ATP5MC2: variants seen among roughly 807,000 people sequenced by gnomAD.
The protein encoded by ATP5MC2 is ATP synthase F(0) complex subunit C2, mitochondrial.
In ATP5MC2, 11 loss-of-function variants were observed where a neutral mutation model predicts 13.5. That is an observed-to-expected ratio of 0.81 (90% CI 0.51 to 1.35). ATP5MC2 has a LOEUF of 1.35. Among genes scored for constraint, ATP5MC2 ranks in the 40% most tolerant of loss-of-function variants. The pLI is 0.00. For synonymous variants in ATP5MC2, 64 were observed against 69.7 expected, an observed-to-expected ratio of 0.92 and a Z score of 0.41; for missense variants, 132 against 175.0, an observed-to-expected ratio of 0.75 and a Z score of 1.39.
At chr12:53,676,282 A>C, upstream of ATP5MC2, 1 of 1,340,940 alleles carries the variant, frequency 7.5e-7, no homozygotes, top group African/African-American at 1.5e-5. Flanking sequence ...CGCCGACTGC[A>C]GAAATGAGGC....
Position 53,665,423 on chromosome 12 carries a change from G to A in ATP5MC2, c.317C>T (p.Pro106Leu). The A allele has an allele frequency of 2.5e-6, 4 of 1,613,128 alleles. No homozygotes were observed. Among genetic ancestry groups the A allele is most frequent in the Non-Finnish European group, 3.4e-6 (4 of 1,179,086 alleles). Residue 106 changes from proline to leucine, a missense_variant, in exon 5 of 5, where the codon CCT becomes CTT. Coordinates refer to ENST00000394349, the MANE Select transcript of ATP5MC2 (RefSeq NM_005176.7). ...GGAGAAGAGCTGTTGCTTCAGAGAA[G>A]GGTTCCTGGTAGAAGGAGAAGAGAA... ...GSLIIGYARNPSLKQQLFSYA... is the reference protein window; with the variant it reads ...GSLIIGYARNLSLKQQLFSYA...
chr12:53,676,250 C>T (rs569240420), upstream of ATP5MC2: 72 of 1,587,936 alleles, frequency 4.5e-5, no homozygotes, highest in South Asian at 7.6e-4. Context: ...ACCTGGCGTT[C>T]GAGAGGAGAA....
rs1184601909 is a variant in ATP5MC2, at chr12:53,673,101, A to T, written c.-31-456T>A. Reference sequence around the variant, plus strand: ...TTTGGGAGGCCGAGGCGGGCGGATCACGAGGTCAGGAGTTCGAGACCAGCC... The same window carrying T: ...TTTGGGAGGCCGAGGCGGGCGGATCTCGAGGTCAGGAGTTCGAGACCAGCC... On this transcript the variant is annotated intron_variant, in intron 1 of 4. Coordinates refer to ENST00000394349, the MANE Select transcript of ATP5MC2 (RefSeq NM_005176.7). 2.6e-5 allele frequency: 4 copies of T among 156,022 alleles called. No homozygotes were observed. The East Asian group carries it at 5.7e-4, about 22-fold the overall frequency. The allele number at this position is 156,022 out of a possible 1,614,324, so 9.7% of individuals were successfully genotyped here.
chr12:53,674,376 C>A (rs145631668), intron 1 of ATP5MC2, among the ~76,000 whole-genome samples: 82 of 152,316 alleles, frequency 5.4e-4, no homozygotes, highest in African/African-American at 1.9e-3. Flanking sequence ...GAATAAGGCT[C>A]AAGTGCCCTG....
chr12:53,675,973 C>G, intron 1 of ATP5MC2, 80 bp downstream of exon 1: 1 of 1,557,716 alleles, frequency 6.4e-7, no homozygotes, highest in South Asian at 1.2e-5. Flanking sequence ...GCAAGGTAAG[C>G]GCCTCAAAGC....
rs761471204 is a variant in ATP5MC2 at position 53,669,316 on chromosome 12, C to T, written c.143G>A (p.Cys48Tyr). 1 of 1,613,476 alleles carries T rather than the reference C, an allele frequency of 6.2e-7. No individual in the cohort carries two copies. Among genetic ancestry groups the T allele is most frequent in the Non-Finnish European group, 8.5e-7 (1 of 1,179,814 alleles). Residue 48 changes from cysteine to tyrosine, a missense_variant, in exon 4 of 5, where the codon TGT becomes TAT. By Grantham distance (194) the Cys-to-Tyr change is radical (BLOSUM62 -2). Transcript: ENST00000394349. Reference sequence around the variant, plus strand: ...GCTAGAGACAAGTGAGGTAAGGGGACATGAGACTGCCAAGCTGCTGAGGCT... The same window carrying T: ...GCTAGAGACAAGTGAGGTAAGGGGATATGAGACTGCCAAGCTGCTGAGGCT... ...DESLSSLAVS[C>Y]PLTSLVSSRS...
At chr12:53,678,746 G>A (rs1296072268), upstream of ATP5MC2, among the ~76,000 whole-genome samples, 5 of 152,160 alleles carry the variant, frequency 3.3e-5, no homozygotes, top group African/African-American at 1.2e-4. Context: ...CTTAACTATA[G>A]GCTTGGGGAA....
chr12:53,668,133 C>T (rs1323949201), intron 4 of ATP5MC2, among the ~76,000 whole-genome samples: 2 of 149,474 alleles, frequency 1.3e-5, no homozygotes, highest in Admixed American at 6.7e-5. Flanking sequence ...GGACTACAGG[C>T]GCCCACCACA....
chr12:53,676,337 G>C (rs1945277686), upstream of ATP5MC2: 3 of 1,257,400 alleles, frequency 2.4e-6, no homozygotes, highest in South Asian at 1.5e-5. Flanking sequence ...CTGCGGTTTG[G>C]TCTGTACCGC....
chr12:53,672,088 A>AAAAAAAAAAAAAAAAC, intron 2 of ATP5MC2, among the ~76,000 whole-genome samples: 1 of 149,382 alleles, frequency 6.7e-6, no homozygotes, highest in African/African-American at 2.5e-5. Flanking sequence ...TGTCTCAAAA[A>AAAAAAAAAAAAAAAAC]AAAAAAAAAA....
chr12:53,681,029 C>A (rs1945337276), upstream of ATP5MC2, among the ~76,000 whole-genome samples: 1 of 151,920 alleles, frequency 6.6e-6, no homozygotes, highest in African/African-American at 2.4e-5. Context: ...GCCTCAGCCT[C>A]CCAAGTAGCT....
chr12:53,671,808 G>C (rs1456111439), intron 2 of ATP5MC2, among the ~76,000 whole-genome samples: 1 of 152,112 alleles, frequency 6.6e-6, no homozygotes, highest in African/African-American at 2.4e-5. Flanking sequence ...GAGGACGGCG[G>C]ATCACCTGAG....
intron 2 of ATP5MC2, among the ~76,000 whole-genome samples, chr12:53,671,687 C>G (rs889843036): frequency 6.6e-6 from 1 of 152,156 alleles, no homozygotes; most frequent in Non-Finnish European, 1.5e-5. Flanking sequence ...ATAACTTGAT[C>G]TTGGTCTAGA....
chr12:53,679,909 A>T (rs897530444), upstream of ATP5MC2, among the ~76,000 whole-genome samples: 5 of 152,206 alleles, frequency 3.3e-5, no homozygotes, highest in Admixed American at 2.6e-4. Flanking sequence ...TCAGTAGGAG[A>T]GATGGTGGCA....
At chr12:53,667,053 C>T (rs58038664) in intron 4 of ATP5MC2, among the ~76,000 whole-genome samples, 18,928 of 152,040 alleles carry the variant, frequency 0.12, 3,573 homozygotes, top group African/African-American at 0.41. Flanking sequence ...CTGTATTTCC[C>T]TTACTCTGAT....
At chr12:53,671,870 CG>C (rs774719331) in intron 2 of ATP5MC2, among the ~76,000 whole-genome samples, 3 of 151,732 alleles carry the variant, frequency 2.0e-5, no homozygotes, top group South Asian at 2.1e-4. Flanking sequence ...TGTCTCTACT[CG>C]GATCACGAGG....
At chr12:53,675,156 C>A (rs1050015210) in intron 1 of ATP5MC2, among the ~76,000 whole-genome samples, 1 of 152,226 alleles carries the variant, frequency 6.6e-6, no homozygotes, top group Non-Finnish European at 1.5e-5. Flanking sequence ...CCAAAATCAT[C>A]ACGGGCTTTT....
chr12:53,675,644 G>A (rs1359364381), intron 1 of ATP5MC2, among the ~76,000 whole-genome samples: 1 of 152,198 alleles, frequency 6.6e-6, no homozygotes, highest in African/African-American at 2.4e-5. Context: ...GGGGCCTAAA[G>A]TCTGGAGATT....
At chr12:53,665,830 A>T (rs1944898131) in intron 4 of ATP5MC2, among the ~76,000 whole-genome samples, 1 of 152,230 alleles carries the variant, frequency 6.6e-6, no homozygotes, top group South Asian at 2.1e-4. Flanking sequence ...GCCAAACTGC[A>T]ATGGTACAAA....
Sources: allele counts gnomAD v4.1 joint callset (sites outside exome capture counted in the v4.1 genomes callset), GRCh38; gene constraint gnomAD v4.1.1; transcripts MANE v1.5; gene names NCBI Gene and HGNC (gene_info 2026-07-23, HGNC 2026-07-21).